Variants in DLGAP2 observed in about 807,000 individuals in gnomAD.
DLGAP2 encodes DLG associated protein 2.
In DLGAP2, 26 loss-of-function variants were observed where a neutral mutation model predicts 100.3. That is an observed-to-expected ratio of 0.26 (90% CI 0.19 to 0.36). The LOEUF is 0.36. Ranked by LOEUF, DLGAP2 falls within the 10% of genes least tolerant of loss-of-function variation. The pLI is 1.00. For synonymous variants in DLGAP2, 886 were observed against 630.1 expected (o/e 1.41, Z -6.08); for missense variants, 1,858 against 1,453.2 (o/e 1.28, Z -4.53).
intron 2 of DLGAP2, among the ~76,000 whole-genome samples, chr8:1,126,325 C>T (rs996808076): frequency 1.3e-5 from 2 of 151,062 alleles, no homozygotes; most frequent in African/African-American, 4.9e-5. Flanking sequence ...AGAAACAGAA[C>T]AGAGAAGAAG....
intron 2 of DLGAP2, among the ~76,000 whole-genome samples, chr8:939,021 G>A (rs376718829): frequency 2.0e-5 from 3 of 152,254 alleles, no homozygotes; most frequent in Non-Finnish European, 4.4e-5. Flanking sequence ...AGCAGCCACC[G>A]GCAGGGCTGC....
chr8:1,427,501 C>T (rs570096574), intron 3 of DLGAP2, among the ~76,000 whole-genome samples: 31 of 152,248 alleles, frequency 2.0e-4, no homozygotes, highest in African/African-American at 6.7e-4. Flanking sequence ...AATCAAATGT[C>T]AACAGAAAGC....
chr8:1,414,526 G>T (rs900925930), intron 3 of DLGAP2, among the ~76,000 whole-genome samples: 2 of 152,098 alleles, frequency 1.3e-5, no homozygotes, highest in Non-Finnish European at 2.9e-5. Flanking sequence ...GGAAGGTGGC[G>T]GGGAGGGACT....
intron 2 of DLGAP2, among the ~76,000 whole-genome samples, chr8:1,043,056 G>C (rs920861678): frequency 7.1e-6 from 1 of 141,558 alleles, no homozygotes; most frequent in South Asian, 2.3e-4. Context: ...GTGGCTGGCA[G>C]GTGGTGGATG....
At chr8:1,120,194 G>C (rs1013736928) in intron 2 of DLGAP2, among the ~76,000 whole-genome samples, 1 of 152,148 alleles carries the variant, frequency 6.6e-6, no homozygotes, top group South Asian at 2.1e-4. Context: ...ATTTATGGGA[G>C]GAGGAAGAGA....
chr8:1,031,891 A>G lies in DLGAP2; in HGVS notation c.73+123925A>G, dbSNP rs551734341. On this transcript the variant is annotated intron_variant, in intron 2 of 14. Transcript: ENST00000637795. ...ATTCACCTGTGGCCACCATAAGTCC[A>G]TGCTACGCTGGTCTCTCAGATCTGG... Among the ~76,000 whole-genome samples the G allele has an allele frequency of 1.1e-4, 16 of 152,308 alleles. No homozygotes were observed. In the South Asian group the frequency reaches 3.3e-3, roughly 32 times the overall value.
At chr8:1,668,245 CA>C (rs1798594174) in intron 8 of DLGAP2, 83 bp from the exon 9 acceptor site, 5 of 1,298,334 alleles carry the variant, frequency 3.9e-6, no homozygotes, top group East Asian at 2.6e-5. Context: ...CCGTCAACCA[CA>C]GGGCATGGGC....
intron 3 of DLGAP2, among the ~76,000 whole-genome samples, chr8:1,348,931 A>G (rs992709653): frequency 3.3e-5 from 5 of 152,136 alleles, no homozygotes; most frequent in African/African-American, 7.2e-5. Context: ...GACCTGGATT[A>G]TATTGAAGAA....
intron 8 of DLGAP2, among the ~76,000 whole-genome samples, chr8:1,651,175 T>C (rs757357406): frequency 6.6e-6 from 1 of 152,178 alleles, no homozygotes; most frequent in Non-Finnish European, 1.5e-5. Flanking sequence ...CCGTATTTCT[T>C]CCTCCCCACC....
At chr8:1,205,435 G>T (rs566684756) in intron 2 of DLGAP2, among the ~76,000 whole-genome samples, 1 of 152,148 alleles carries the variant, frequency 6.6e-6, no homozygotes, top group African/African-American at 2.4e-5. Context: ...TCCTGAAAAG[G>T]CTCTAGAAAC....
intron 2 of DLGAP2, among the ~76,000 whole-genome samples, chr8:1,050,703 C>T (rs1802652788): frequency 1.3e-5 from 2 of 152,210 alleles, no homozygotes; most frequent in African/African-American, 2.4e-5. Flanking sequence ...CATTTCATTA[C>T]ACACGTAACA....
At chr8:1,656,046 A>G (rs992381611) in intron 8 of DLGAP2, among the ~76,000 whole-genome samples, 1 of 152,228 alleles carries the variant, frequency 6.6e-6, no homozygotes, top group Non-Finnish European at 1.5e-5. Flanking sequence ...ATTGGAGGCC[A>G]GGTGTGGCAT....
intron 4 of DLGAP2, among the ~76,000 whole-genome samples, chr8:1,538,031 A>C (rs1217456874): frequency 1.3e-5 from 2 of 152,272 alleles, no homozygotes; most frequent in African/African-American, 4.8e-5. Context: ...CTGTAGCCTC[A>C]TGCAAAGTGC....
chr8:781,634 AG>A (rs1371660542), intron 1 of DLGAP2, among the ~76,000 whole-genome samples: 1 of 152,172 alleles, frequency 6.6e-6, no homozygotes, highest in Non-Finnish European at 1.5e-5. Context: ...TTAACACAAG[AG>A]GACAAAGAAG....
chr8:763,538 G>A (rs937795396), intron 1 of DLGAP2, among the ~76,000 whole-genome samples: 1 of 152,180 alleles, frequency 6.6e-6, no homozygotes, highest in African/African-American at 2.4e-5. Context: ...GAATTTGCTC[G>A]AAAGGGTCTG....
At chr8:1,644,462 C>T (rs1429632010) in intron 8 of DLGAP2, among the ~76,000 whole-genome samples, 12 of 152,352 alleles carry the variant, frequency 7.9e-5, no homozygotes, top group Admixed American at 3.3e-4. Flanking sequence ...CTCGTCGGCC[C>T]GCAGTTTCTT....
chr8:1,560,288 C>T (rs1405930441), intron 5 of DLGAP2, among the ~76,000 whole-genome samples: 1 of 152,180 alleles, frequency 6.6e-6, no homozygotes, highest in Admixed American at 6.5e-5. Flanking sequence ...TCATGAGCAT[C>T]TTTTCATCAC....
intron 6 of DLGAP2, among the ~76,000 whole-genome samples, chr8:1,599,531 A>G (rs2130698562): frequency 6.6e-6 from 1 of 152,234 alleles, no homozygotes; most frequent in African/African-American, 2.4e-5. Context: ...TGATTTATGA[A>G]TCTGGGTCCT....
intron 2 of DLGAP2, among the ~76,000 whole-genome samples, chr8:1,165,515 G>C (rs557398756): frequency 6.6e-6 from 1 of 152,348 alleles, no homozygotes; most frequent in South Asian, 2.1e-4. Context: ...TTGCTCATCA[G>C]ATGGTGATTT....
Sources: gnomAD v4.1 joint callset for allele counts (sites outside exome capture counted in the v4.1 genomes callset) on GRCh38, gnomAD v4.1.1 for gene constraint, MANE v1.5 for transcripts, NCBI Gene and HGNC (gene_info 2026-07-23, HGNC 2026-07-21) for gene names.